The following SORBS3 variants were observed in gnomAD, a reference collection of about 807,000 sequenced individuals.
SORBS3 encodes vinexin.
A neutral mutation model predicts 98.0 loss-of-function variants in SORBS3; 69 were observed. The ratio of observed to expected loss-of-function variants is 0.70; its 90% CI spans 0.58 to 0.86. SORBS3 has a LOEUF of 0.86. Ranked by LOEUF, SORBS3 falls within the 40% of genes least tolerant of loss-of-function variation. SORBS3 has a pLI of 0.00. For synonymous variants in SORBS3, 394 were observed against 355.4 expected (o/e 1.11, Z -1.22); for missense variants, 954 against 908.5 (o/e 1.05, Z -0.64).
At chr8:22,561,133 C>A in intron 5 of SORBS3, 1 of 523,456 alleles carries the variant, frequency 1.9e-6, no homozygotes, top group African/African-American at 2.0e-5. Context: ...CTCGCTTAGG[C>A]CCCAAGCCTG....
At chr8:22,568,919 ATCCC>A (rs1284902983) in intron 16 of SORBS3, among the ~76,000 whole-genome samples, 31 of 152,254 alleles carry the variant, frequency 2.0e-4, no homozygotes, top group Non-Finnish European at 3.8e-4. Context: ...CACTCCATAT[ATCCC>A]TATGGAAAAT....
At chr8:22,562,224 C>G (rs1840312263) in intron 7 of SORBS3, among the ~76,000 whole-genome samples, 3 of 152,170 alleles carry the variant, frequency 2.0e-5, no homozygotes, top group Admixed American at 1.3e-4. Context: ...ACTCTTTGCC[C>G]CAAAGATCCC....
In SORBS3 at chr8:22,572,443, G is replaced by A; in HGVS notation, c.1951G>A (p.Val651Met). The change falls in exon 20 of 21, where the codon GTG (valine) becomes ATG (methionine). Residue 651 changes from valine to methionine, a missense_variant. Transcript: ENST00000240123. Reference protein sequence around the residue: ...VMQQCDDGWFVGVSRRTQKFG... With the variant: ...VMQQCDDGWFMGVSRRTQKFG... ...GCAGCAGTGTGACGATGGCTGGTTT[G>A]TGGGTATGTGGGCAGGCCGGGAGGG... 6.2e-7 allele frequency: 1 copy of A among 1,612,698 alleles called. No individual in the cohort carries two copies. The highest frequency in any genetic ancestry group is 8.5e-7 in the Non-Finnish European group (1 of 1,179,010).
rs767793913 is a variant in SORBS3, at chr8:22,572,407, G to A, written c.1915G>A (p.Val639Met). 1.1e-5 allele frequency: 17 copies of A among 1,614,036 alleles called. No individual in the cohort carries two copies. In the South Asian group the frequency reaches 1.8e-4, roughly 17 times the overall value. ...DELELREGDRVDVMQQCDDGW... is the reference protein window; with the variant it reads ...DELELREGDRMDVMQQCDDGW... The stretch of plus-strand genomic sequence containing the variant: ...GCTGGAGCTGCGCGAGGGGGACAGG[G>A]TGGATGTCATGCAGCAGTGTGACGA... Residue 639 changes from valine to methionine, a missense_variant, in exon 20 of 21, where the codon GTG (valine) becomes ATG (methionine). Physicochemically the swap from Val to Met is conservative, Grantham distance 21. Coordinates refer to ENST00000240123, the MANE Select transcript of SORBS3 (RefSeq NM_005775.5).
chr8:22,558,171 C>A lies in SORBS3; in HGVS notation c.457C>A (p.Gln153Lys). ...AGACTGGTACCGGAGAATGTTCCAG[C>A]AGATTCACCGGAAAATGCCAGGTAA... The part of the protein sequence containing the change: ...PRDWYRRMFQ[Q>K]IHRKMPDLQL... The change falls in exon 5 of 21, where the codon CAG becomes AAG. Residue 153 changes from glutamine (Q) to lysine (K), a missense_variant. Physicochemically the swap from Gln to Lys is moderately conservative, Grantham distance 53. Coordinates refer to ENST00000240123, the MANE Select transcript of SORBS3 (RefSeq NM_005775.5). 6.2e-7 allele frequency: 1 copy of A among 1,614,174 alleles called. No individual in the cohort carries two copies. The highest frequency in any genetic ancestry group is 1.7e-5 in the Admixed American group (1 of 60,030).
chr8:22,561,264 G>A, intron 5 of SORBS3, 71 bp from the exon 6 acceptor site: 1 of 1,467,144 alleles, frequency 6.8e-7, no homozygotes, highest in Non-Finnish European at 9.2e-7. Flanking sequence ...GAGCGGCTGA[G>A]GTTGCCTCCC....
chr8:22,560,036 C>G (rs112391743), intron 5 of SORBS3, among the ~76,000 whole-genome samples: 80 of 147,132 alleles, frequency 5.4e-4, no homozygotes, highest in Admixed American at 3.3e-3. Flanking sequence ...CACTGCACTC[C>G]AGCCTGGGTG....
At chr8:22,553,290 C>G (rs1011484911) in intron 1 of SORBS3, among the ~76,000 whole-genome samples, 2 of 152,186 alleles carry the variant, frequency 1.3e-5, no homozygotes, top group Admixed American at 1.3e-4. Context: ...ACACACAGCT[C>G]CTCCCGATGC....
In SORBS3 at chr8:22,564,278, C is replaced by G. The variant is rs769767705; in HGVS notation, c.676-5C>G. 1 of 1,583,526 alleles carries G rather than the reference C, an allele frequency of 6.3e-7. No homozygotes were observed. Among genetic ancestry groups the G allele is most frequent in the Non-Finnish European group, 8.6e-7 (1 of 1,163,478 alleles). Reference sequence around the variant, plus strand: ...ACAAGCTGACACCCACCCACCTCCACGCAGGTGCTCAGACGCCGGGAAAAA... The same window carrying G: ...ACAAGCTGACACCCACCCACCTCCAGGCAGGTGCTCAGACGCCGGGAAAAA... On this transcript the variant is annotated splice_region_variant and splice_polypyrimidine_tract_variant and intron_variant, in intron 8 of 20. Transcript: ENST00000240123.
At chr8:22,553,666 G>A (rs755305463) in intron 1 of SORBS3, among the ~76,000 whole-genome samples, 2 of 152,190 alleles carry the variant, frequency 1.3e-5, no homozygotes, top group African/African-American at 4.8e-5. Context: ...GGAGGGGCGG[G>A]AGAAAGTGGA....
At chr8:22,565,971 C>T in intron 12 of SORBS3, 99 bp downstream of exon 12, 1 of 841,250 alleles carries the variant, frequency 1.2e-6, no homozygotes, top group Non-Finnish European at 1.6e-6. Context: ...ATCGCGGGGC[C>T]CAGCCGGGGG....
At chr8:22,556,594 A>C (rs1335468091) in intron 3 of SORBS3, 121 bp from the exon 4 acceptor site, 1 of 828,048 alleles carries the variant, frequency 1.2e-6, no homozygotes, top group Non-Finnish European at 2.0e-6. Flanking sequence ...CCACTCAAAC[A>C]AACAAGGCGA....
chr8:22,556,993 G>A (rs1482215973), intron 4 of SORBS3, 85 bp downstream of exon 4: 3 of 1,459,362 alleles, frequency 2.1e-6, no homozygotes, highest in African/African-American at 1.4e-5. Flanking sequence ...ATGGGGGTGG[G>A]GCAATAAAGG....
intron 4 of SORBS3, among the ~76,000 whole-genome samples, chr8:22,557,823 A>C (rs933731280): frequency 4.6e-5 from 7 of 152,190 alleles, no homozygotes; most frequent in African/African-American, 1.7e-4. Flanking sequence ...CCACAAAAGA[A>C]AAATGTTCTT....
At chr8:22,568,993 C>G (rs1352289006) in intron 16 of SORBS3, among the ~76,000 whole-genome samples, 155 bp from the exon 17 acceptor site, 2 of 152,248 alleles carry the variant, frequency 1.3e-5, no homozygotes, top group Non-Finnish European at 2.9e-5. Context: ...TTGGCTGTGC[C>G]CACCCGTGGC....
Position 22,567,102 on chromosome 8 carries a change from A to C in SORBS3, c.1232A>C (p.Lys411Thr). The C allele has an allele frequency of 1.9e-6, 3 of 1,613,656 alleles. No individual in the cohort carries two copies. Among genetic ancestry groups the C allele is most frequent in the Middle Eastern group, 3.3e-4 (2 of 6,046 alleles). ...AAGGGTGACATTGTCTACATCCACA[A>C]GGAGGTGGACAAGAACTGGCTGGAG... is the stretch of plus-strand genomic sequence containing the variant. ...LQKGDIVYIHKEVDKNWLEGE... is the reference protein window; with the variant it reads ...LQKGDIVYIHTEVDKNWLEGE... Residue 411 changes from lysine (K) to threonine (T), a missense_variant, in exon 16 of 21, where the codon AAG becomes ACG. Coordinates refer to ENST00000240123, the MANE Select transcript of SORBS3 (RefSeq NM_005775.5).
At chr8:22,548,978 AG>A (rs1840045163), upstream of SORBS3, among the ~76,000 whole-genome samples, 2 of 152,146 alleles carry the variant, frequency 1.3e-5, no homozygotes, top group East Asian at 1.9e-4. Context: ...CCTCCCCTGC[AG>A]GGGGGTGGGG....
intron 1 of SORBS3, among the ~76,000 whole-genome samples, chr8:22,553,378 G>C (rs1840122925): frequency 6.6e-6 from 1 of 152,234 alleles, no homozygotes; most frequent in Non-Finnish European, 1.5e-5. Flanking sequence ...CTGGGCAGTG[G>C]CAGAGCTTGG....
rs763630855 is a variant in SORBS3 at position 22,571,065 on chromosome 8, G to A, written c.1587G>A (p.Thr529=). The A allele has an allele frequency of 1.6e-5, 25 of 1,612,374 alleles. No homozygotes were observed. Among genetic ancestry groups the A allele is most frequent in the Middle Eastern group, 1.6e-4 (1 of 6,076 alleles). ...RLCDDGPQLP[T]SPRLTAAARS... ...GTGACGACGGCCCCCAGCTCCCCAC[G>A]TCTCCCCGCCTGACCGCTGCCGCCC... The change falls in exon 18 of 21, where the codon ACG becomes ACA. Residue 529 remains threonine (T), a synonymous_variant. Transcript: ENST00000240123.
Sources: allele counts gnomAD v4.1 joint callset (sites outside exome capture counted in the v4.1 genomes callset), GRCh38; gene constraint gnomAD v4.1.1; transcripts MANE v1.5; gene names NCBI Gene and HGNC (gene_info 2026-07-23, HGNC 2026-07-21).